TCF4: variants seen among roughly 807,000 people sequenced by gnomAD.
TCF4 encodes SL3-3 enhancer factor 2.
A neutral mutation model predicts 82.1 loss-of-function variants in TCF4; 3 were observed. That is an observed-to-expected ratio of 0.04 (90% CI 0.02 to 0.09). TCF4 has a LOEUF of 0.09. Among genes scored for constraint, TCF4 ranks in the 10% least tolerant of loss-of-function variants. The pLI is 1.00. For missense variants in TCF4, 518 were observed against 852.7 expected, an observed-to-expected ratio of 0.61 and a Z score of 4.89; for synonymous variants, 276 against 309.6, an observed-to-expected ratio of 0.89 and a Z score of 1.14.
At chr18:55,265,868 T>A (rs1438810176) in intron 11 of TCF4, 1 of 152,214 alleles carries the variant, frequency 6.6e-6, no homozygotes, top group Non-Finnish European at 1.5e-5. Context: ...ATCTTGGTAG[T>A]CTGTTCCTTC....
chr18:55,248,146 C>A (rs1470373495), intron 15 of TCF4, among the ~76,000 whole-genome samples: 4 of 152,140 alleles, frequency 2.6e-5, no homozygotes, highest in African/African-American at 9.7e-5. Flanking sequence ...CCAAGAGGAG[C>A]AACTGATAAA....
At chr18:55,533,135 A>G (rs1411199240) in intron 3 of TCF4, among the ~76,000 whole-genome samples, 2 of 152,190 alleles carry the variant, frequency 1.3e-5, no homozygotes, top group African/African-American at 4.8e-5. Context: ...TATCCTTAAT[A>G]TACTTCATGT....
intron 3 of TCF4, among the ~76,000 whole-genome samples, chr18:55,468,458 A>G (rs2096081023): frequency 6.6e-6 from 1 of 152,234 alleles, no homozygotes; most frequent in African/African-American, 2.4e-5. Flanking sequence ...AGAATATCCC[A>G]TAGCAGCCCA....
chr18:55,563,288 A>G (rs902156096), intron 3 of TCF4, among the ~76,000 whole-genome samples: 2 of 151,870 alleles, frequency 1.3e-5, no homozygotes, highest in Non-Finnish European at 2.9e-5. Flanking sequence ...TCTGGCTAAT[A>G]AAAAATATCC....
At chr18:55,525,805 T>C (rs1443232406) in intron 3 of TCF4, among the ~76,000 whole-genome samples, 6 of 151,842 alleles carry the variant, frequency 4.0e-5, no homozygotes, top group Admixed American at 2.0e-4. Context: ...CGGCGGAACC[T>C]AGGTGCTGGA....
chr18:55,541,248 T>C (rs1249615329), intron 3 of TCF4, among the ~76,000 whole-genome samples: 1 of 152,010 alleles, frequency 6.6e-6, no homozygotes, highest in Non-Finnish European at 1.5e-5. Flanking sequence ...AATGTAGTAA[T>C]CACAATTGTA....
intron 3 of TCF4, among the ~76,000 whole-genome samples, chr18:55,581,776 G>A (rs1233170389): frequency 2.0e-5 from 3 of 151,996 alleles, no homozygotes; most frequent in Non-Finnish European, 4.4e-5. Context: ...TAAATTTCAG[G>A]CAATACTTTC....
intron 3 of TCF4, among the ~76,000 whole-genome samples, chr18:55,510,206 G>T (rs1264033385): frequency 6.6e-6 from 1 of 152,096 alleles, no homozygotes; most frequent in Non-Finnish European, 1.5e-5. Context: ...TAAAACTCCA[G>T]ATATAGCGCT....
chr18:55,446,651 A>C (rs1364344333), intron 5 of TCF4, among the ~76,000 whole-genome samples: 2 of 152,190 alleles, frequency 1.3e-5, no homozygotes, highest in Admixed American at 1.3e-4. Flanking sequence ...TAATATGTGT[A>C]AAGTACTTAG....
chr18:55,386,963 G>A (rs904791407), intron 6 of TCF4, among the ~76,000 whole-genome samples: 5 of 152,134 alleles, frequency 3.3e-5, no homozygotes, highest in African/African-American at 7.2e-5. Context: ...TTAAAGACTC[G>A]GATACACACA....
chr18:55,575,411 T>C (rs1162096778), intron 3 of TCF4, among the ~76,000 whole-genome samples: 1 of 152,198 alleles, frequency 6.6e-6, no homozygotes, highest in Non-Finnish European at 1.5e-5. Flanking sequence ...CCTGGAAATA[T>C]TATTACCACC....
At chr18:55,490,057 G>C (rs914633746) in intron 3 of TCF4, among the ~76,000 whole-genome samples, 2 of 151,990 alleles carry the variant, frequency 1.3e-5, no homozygotes, top group Admixed American at 1.3e-4. Flanking sequence ...CCTTTTTGTG[G>C]GTAAAATTTA....
chr18:55,224,147 T>G lies in TCF4; in HGVS notation c.*3888A>C, dbSNP rs1800866605. The stretch of plus-strand genomic sequence containing the variant: ...TTTATAACAAAAAGCCAGGCACTGA[T>G]ACATGGTAAATCTCTGCTTTTTTTT... On this transcript the variant is annotated 3_prime_UTR_variant, in exon 20 of 20. Transcript: ENST00000354452. 1 of 149,476 alleles carries G rather than the reference T, an allele frequency of 6.7e-6. No homozygotes were observed. Among genetic ancestry groups the G allele is most frequent in the Non-Finnish European group, 1.5e-5 (1 of 67,606 alleles). 9.3% of individuals were successfully genotyped at this position (149,476 alleles called of 1,614,324 possible).
rs375522134 is a variant in TCF4 at position 55,389,013 on chromosome 18, C to T, written c.369+14441G>A. 7.9e-5 allele frequency among the ~76,000 whole-genome samples: 12 copies of T among 152,018 alleles called. No individual in the cohort carries two copies. In the East Asian group the frequency reaches 1.5e-3, roughly 20 times the overall value. On this transcript the variant is annotated intron_variant, in intron 6 of 19. Coordinates refer to ENST00000354452, the MANE Select transcript of TCF4 (RefSeq NM_001083962.2). ...TGGTGGTGGGCGCCTGTGGTCCCAG[C>T]TACTCGGGAGACTGAGGCAGAAGAA... is the stretch of plus-strand genomic sequence containing the variant.
intron 8 of TCF4, among the ~76,000 whole-genome samples, chr18:55,316,720 G>A (rs1394228613): frequency 6.6e-6 from 1 of 151,974 alleles, no homozygotes; most frequent in Non-Finnish European, 1.5e-5. Context: ...TAGATCAGTT[G>A]GAAAGGTATT....
At chr18:55,581,353 T>G (rs552862304) in intron 3 of TCF4, among the ~76,000 whole-genome samples, 1 of 152,090 alleles carries the variant, frequency 6.6e-6, no homozygotes, top group Non-Finnish European at 1.5e-5. Flanking sequence ...TTTGCCTGTA[T>G]AATGAAGGCA....
intron 2 of TCF4, among the ~76,000 whole-genome samples, chr18:55,621,103 T>C (rs1346952758): frequency 2.0e-5 from 3 of 151,902 alleles, no homozygotes; most frequent in Admixed American, 2.0e-4. Flanking sequence ...AGGTTACGAC[T>C]CTTTATGGAA....
chr18:55,573,902 A>T (rs2097502127), intron 3 of TCF4, among the ~76,000 whole-genome samples: 1 of 152,202 alleles, frequency 6.6e-6, no homozygotes, highest in Admixed American at 6.5e-5. Flanking sequence ...GATGCTCAAT[A>T]ATCATCTACT....
chr18:55,464,962 G>A (rs146422946), intron 3 of TCF4, among the ~76,000 whole-genome samples: 112 of 152,210 alleles, frequency 7.4e-4, no homozygotes, highest in African/African-American at 2.6e-3. Flanking sequence ...TACGCAGGAT[G>A]GAAAGTCTAA....
Sources: allele counts gnomAD v4.1 joint callset (sites outside exome capture counted in the v4.1 genomes callset), GRCh38; gene constraint gnomAD v4.1.1; transcripts MANE v1.5; gene names NCBI Gene and HGNC (gene_info 2026-07-23, HGNC 2026-07-21).